HTR7: variants seen among roughly 807,000 people sequenced by gnomAD.
The protein encoded by HTR7 is 5-hydroxytryptamine receptor 7.
In HTR7, 16 loss-of-function variants were observed where a neutral mutation model predicts 34.0. That is an observed-to-expected ratio of 0.47 (90% CI 0.32 to 0.71). The LOEUF (loss-of-function observed/expected upper bound fraction) is 0.71. Among genes scored for constraint, HTR7 ranks in the 30% least tolerant of loss-of-function variants. HTR7 has a pLI of 0.04. For missense variants in HTR7, 504 were observed against 625.5 expected, an observed-to-expected ratio of 0.81 and a Z score of 2.07; for synonymous variants, 265 against 260.2, an observed-to-expected ratio of 1.02 and a Z score of -0.18.
intron 1 of HTR7, among the ~76,000 whole-genome samples, chr10:90,766,412 G>T (rs1845024977): frequency 6.6e-6 from 1 of 152,144 alleles, no homozygotes; most frequent in South Asian, 2.1e-4. Flanking sequence ...CAGCCCATGT[G>T]TCTCCTTAAA....
intron 1 of HTR7, among the ~76,000 whole-genome samples, chr10:90,789,478 T>C (rs1845432790): frequency 6.6e-6 from 1 of 152,192 alleles, no homozygotes; most frequent in Non-Finnish European, 1.5e-5. Flanking sequence ...CTGCCTGAAC[T>C]GAAAAGAAGG....
chr10:90,830,190 T>C (rs1275522743), intron 1 of HTR7, among the ~76,000 whole-genome samples: 6 of 152,242 alleles, frequency 3.9e-5, no homozygotes, highest in African/African-American at 9.6e-5. Flanking sequence ...TTGTTACCAA[T>C]AAACTGTAAC....
At chr10:90,844,419 A>G (rs1431881279) in intron 1 of HTR7, among the ~76,000 whole-genome samples, 1 of 152,026 alleles carries the variant, frequency 6.6e-6, no homozygotes, top group African/African-American at 2.4e-5. Context: ...ATATAATCAC[A>G]TTTTTATGTT....
chr10:90,744,134 C>T (rs1589432310), intron 2 of HTR7, among the ~76,000 whole-genome samples: 1 of 151,614 alleles, frequency 6.6e-6, no homozygotes, highest in African/African-American at 2.4e-5. Flanking sequence ...CTGGAGAAAG[C>T]CCTGAGTCTG....
At chr10:90,840,846 A>G (rs952313368) in intron 1 of HTR7, among the ~76,000 whole-genome samples, 1 of 152,248 alleles carries the variant, frequency 6.6e-6, no homozygotes, top group African/African-American at 2.4e-5. Context: ...AAGAAGTTAA[A>G]TAATGTCTAC....
At chr10:90,748,194 G>A (rs530462184) in intron 2 of HTR7, among the ~76,000 whole-genome samples, 2 of 152,152 alleles carry the variant, frequency 1.3e-5, no homozygotes, top group African/African-American at 2.4e-5. Flanking sequence ...GGTTGGAGTG[G>A]CATGATCATA....
At chr10:90,764,407 T>C (rs971744239) in intron 1 of HTR7, among the ~76,000 whole-genome samples, 2 of 152,226 alleles carry the variant, frequency 1.3e-5, no homozygotes, top group Non-Finnish European at 1.5e-5. Context: ...ATTCTGTAAG[T>C]TGTCTGATCA....
chr10:90,746,164 AACT>A (rs1844630158), intron 2 of HTR7, among the ~76,000 whole-genome samples: 1 of 152,168 alleles, frequency 6.6e-6, no homozygotes, highest in Non-Finnish European at 1.5e-5. Flanking sequence ...AAATGAAGAA[AACT>A]AACCTATCAT....
chr10:90,758,020 T>C (rs1380920168), intron 1 of HTR7, among the ~76,000 whole-genome samples: 2 of 151,962 alleles, frequency 1.3e-5, no homozygotes, highest in African/African-American at 2.4e-5. Context: ...GCAGATCTAA[T>C]GGATGAATGA....
At chr10:90,775,976 C>T (rs1257731968) in intron 1 of HTR7, among the ~76,000 whole-genome samples, 2 of 152,132 alleles carry the variant, frequency 1.3e-5, no homozygotes, top group Non-Finnish European at 2.9e-5. Context: ...TTTTTTCATA[C>T]AACATATCCT....
At position 90,748,858 on chromosome 10, in the gene HTR7, C is replaced by G; in HGVS notation, c.1276G>C (p.Glu426Gln). ...HEALKLAERP[E>Q]RPEFVLRACT... ...CCTTACAGCACAAACTCAGGTCTCT[C>G]TGGCCTCTCAGCAAGCTTCAGGGCT... is the stretch of plus-strand genomic sequence containing the variant. Residue 426 changes from glutamate to glutamine, a missense_variant, in exon 2 of 4, where the codon GAG (glutamate) becomes CAG (glutamine). Physicochemically the swap from Glu to Gln is conservative, Grantham distance 29. Coordinates refer to ENST00000336152, the MANE Select transcript of HTR7 (RefSeq NM_019859.4). 1.2e-6 allele frequency: 2 copies of G among 1,613,668 alleles called. No individual in the cohort carries two copies. The highest frequency in any genetic ancestry group is 1.7e-6 in the Non-Finnish European group (2 of 1,179,824).
At chr10:90,784,197 C>T (rs1845348547) in intron 1 of HTR7, among the ~76,000 whole-genome samples, 2 of 152,170 alleles carry the variant, frequency 1.3e-5, no homozygotes, top group African/African-American at 4.8e-5. Flanking sequence ...AAAATCCTTT[C>T]GTTATCTTAA....
chr10:90,742,522 AT>A lies in HTR7; in HGVS notation c.1399del (p.Met467CysfsTer2). ...GACCTTTTTTTCTACAGTAGTCAGC[AT>A]TTTGTCTAAAAAAAAGAGAGAGAAA... ...PDHHNWLADKMLTTVEKKVMI... is the reference protein window; with the variant it reads ...PDHHNWLADKXLTTVEKKVMI... On this transcript the variant is annotated frameshift_variant, in exon 4 of 4. Transcript: ENST00000336152. LOFTEE classifies it high-confidence loss of function. 1 of 1,588,202 alleles carries A rather than the reference AT, an allele frequency of 6.3e-7. No individual in the cohort carries two copies. The highest frequency in any genetic ancestry group is 8.6e-7 in the Non-Finnish European group (1 of 1,165,080).
Position 90,785,890 on chromosome 10 carries a change from C to G in HTR7, c.540-36296G>C, listed in dbSNP as rs533051546. Reference sequence around the variant, plus strand: ...GCCTTGACGCCCCTTCTTGGGAGAGCTGGAAAGCAGCCATGGTACTGCCAG... The same window carrying G: ...GCCTTGACGCCCCTTCTTGGGAGAGGTGGAAAGCAGCCATGGTACTGCCAG... On this transcript the variant is annotated intron_variant, in intron 1 of 3. Transcript: ENST00000336152. Among the ~76,000 whole-genome samples, 71 of 152,286 alleles carry G rather than the reference C, an allele frequency of 4.7e-4. 2 individuals carry two copies. The South Asian group carries it at 8.9e-3, about 19-fold the overall frequency.
chr10:90,824,139 G>A (rs1846031418), intron 1 of HTR7, among the ~76,000 whole-genome samples: 1 of 152,236 alleles, frequency 6.6e-6, no homozygotes, highest in South Asian at 2.1e-4. Context: ...AAGGAGAGGA[G>A]AGCGAAGAGC....
At position 90,857,134 on chromosome 10, in the gene HTR7, T is replaced by G. The variant is rs994026828; in HGVS notation, c.538A>C (p.Arg180=). The change falls in exon 1 of 4, where the codon AGG becomes CGG. Residue 180 remains arginine (R), a splice_region_variant and synonymous_variant. Transcript: ENST00000336152. This position sits in a 1 kb window ranked among gnomAD's most constrained non-coding sequence, Gnocchi z 6.5. ...IMTLCVISID[R]YLGITRPLTY... ...GGGACGGGGCGGTCCGGCCCTTACC[T>G]GTCAATGCTGATCACGCACAGGGTC... 5 of 1,583,622 alleles carry G rather than the reference T, an allele frequency of 3.2e-6. No individual in the cohort carries two copies. The African/African-American group carries it at 6.7e-5, about 21-fold the overall frequency.
intron 1 of HTR7, among the ~76,000 whole-genome samples, chr10:90,829,403 T>C (rs1846130296): frequency 1.3e-5 from 2 of 152,114 alleles, no homozygotes; most frequent in African/African-American, 4.8e-5. Flanking sequence ...TACTTTAAGT[T>C]CTGGGATACA....
At chr10:90,813,436 C>T (rs567757808) in intron 1 of HTR7, among the ~76,000 whole-genome samples, 49 of 151,680 alleles carry the variant, frequency 3.2e-4, no homozygotes, top group Middle Eastern at 3.4e-3. Context: ...GCCACAGGGT[C>T]GCTTGAACGC....
In HTR7 at chr10:90,802,536, C is replaced by T. The variant is rs150850449; in HGVS notation, c.540-52942G>A. ...CTTTTGAATTGAGTCACTACTGGAA[C>T]TAAGTACACTATTGGAAATAAAAAA... On this transcript the variant is annotated intron_variant, in intron 1 of 3. Coordinates refer to ENST00000336152, the MANE Select transcript of HTR7 (RefSeq NM_019859.4). Among the ~76,000 whole-genome samples the T allele has an allele frequency of 4.8e-3, 725 of 152,248 alleles. 12 individuals carry two copies. Among genetic ancestry groups the T allele is most frequent in the African/African-American group, 0.016 (681 of 41,536 alleles).
Sources: gnomAD v4.1 joint callset for allele counts (sites outside exome capture counted in the v4.1 genomes callset) on GRCh38, gnomAD v4.1.1 for gene constraint, Gnocchi (gnomAD v3.1) non-coding constraint, MANE v1.5 for transcripts, NCBI Gene and HGNC (gene_info 2026-07-23, HGNC 2026-07-21) for gene names.